Variants in CRADD observed in about 807,000 individuals in gnomAD.
CRADD encodes death domain-containing protein CRADD.
CRADD carries 9 observed loss-of-function variants against 15.5 expected under a neutral mutation model. The observed-to-expected ratio is 0.58, with a 90% confidence interval of 0.35 to 1.01. The LOEUF (loss-of-function observed/expected upper bound fraction) is 1.01. Ranked by LOEUF, CRADD falls within the 50% of genes least tolerant of loss-of-function variation. CRADD has a pLI of 0.02. For synonymous variants in CRADD, 118 were observed against 107.6 expected (o/e 1.10, Z -0.60); for missense variants, 227 against 250.3 (o/e 0.91, Z 0.63).
At chr12:93,757,682 G>A (rs1956906685) in intron 2 of CRADD, among the ~76,000 whole-genome samples, 1 of 152,266 alleles carries the variant, frequency 6.6e-6, no homozygotes, top group South Asian at 2.1e-4. Flanking sequence ...GTTCTCATTA[G>A]AGCTTAAGAA....
chr12:93,857,061 T>C (rs1958280617), intron 2 of CRADD, among the ~76,000 whole-genome samples: 1 of 151,960 alleles, frequency 6.6e-6, no homozygotes, highest in South Asian at 2.1e-4. Flanking sequence ...TTATGCAAAA[T>C]ATATGGCAAT....
Position 93,837,301 on chromosome 12 carries a change from G to A in CRADD, c.299-12669G>A, listed in dbSNP as rs144533951. ...TGTTTTTTTTTTTAGAGGGAGTCTC[G>A]CTGTGTCGCGCAGACTGGAGTGCAG... is the stretch of plus-strand genomic sequence containing the variant. On this transcript the variant is annotated intron_variant, in intron 2 of 2. Coordinates refer to ENST00000332896, the MANE Select transcript of CRADD (RefSeq NM_003805.5). 73 of 152,048 alleles carry A rather than the reference G, an allele frequency of 4.8e-4. No individual in the cohort carries two copies. In the East Asian group the frequency reaches 0.011, roughly 23 times the overall value. The allele number at this position is 152,048 out of a possible 1,614,324, so 9.4% of individuals were successfully genotyped here. A position where few individuals can be genotyped will look rare whatever the true frequency, so the allele number is the denominator to read the frequency against.
chr12:93,780,741 C>CT (rs1344435534), intron 2 of CRADD, among the ~76,000 whole-genome samples: 5,597 of 143,412 alleles, frequency 0.039, 151 homozygotes, highest in South Asian at 0.065. Context: ...TCTTGATTAC[C>CT]TTTTTTTTTT....
At chr12:93,854,259 C>T (rs1958252856), downstream of CRADD, among the ~76,000 whole-genome samples, 1 of 152,130 alleles carries the variant, frequency 6.6e-6, no homozygotes, top group Admixed American at 6.5e-5. Context: ...CTAGGGCGGC[C>T]TCACTCATGT....
chr12:93,839,881 A>T (rs1343440255), intron 2 of CRADD, among the ~76,000 whole-genome samples: 1 of 152,194 alleles, frequency 6.6e-6, no homozygotes, highest in African/African-American at 2.4e-5. Flanking sequence ...CGTCTCCTTC[A>T]TTGAGCAGAA....
chr12:93,677,554 C>T (rs1228688831), intron 1 of CRADD, 82 bp downstream of exon 1: 1 of 152,298 alleles, frequency 6.6e-6, no homozygotes, highest in African/African-American at 2.4e-5. Context: ...CTTCCCCGCC[C>T]CGCTAACTTG....
At chr12:93,849,752 A>AC (rs1958186629) in intron 2 of CRADD, among the ~76,000 whole-genome samples, 1 of 151,982 alleles carries the variant, frequency 6.6e-6, no homozygotes, top group African/African-American at 2.4e-5. Context: ...AAAAAAAAAA[A>AC]AAAAAAAGTT....
At position 93,751,099 on chromosome 12, in the gene CRADD, A is replaced by C. The variant is rs182255835; in HGVS notation, c.298+72027A>C. ...CTGTAAACTTGAGAGACATTCCACAAATACAAATCTTGCTTCTTTTGCTTA... is the reference window on the plus strand; with the variant it reads ...CTGTAAACTTGAGAGACATTCCACACATACAAATCTTGCTTCTTTTGCTTA... On this transcript the variant is annotated intron_variant, in intron 2 of 2. Transcript: ENST00000332896. Among the ~76,000 whole-genome samples, 47 of 152,364 alleles carry C rather than the reference A, an allele frequency of 3.1e-4. 1 individual carries two copies. The East Asian group carries it at 8.3e-3, about 27-fold the overall frequency.
At chr12:93,832,592 A>G (rs1462041765) in intron 2 of CRADD, among the ~76,000 whole-genome samples, 1 of 152,216 alleles carries the variant, frequency 6.6e-6, no homozygotes, top group African/African-American at 2.4e-5. Context: ...AATATCAAGG[A>G]ACCATAGGCC....
chr12:93,770,340 G>A (rs545983520), intron 2 of CRADD, among the ~76,000 whole-genome samples: 2 of 151,866 alleles, frequency 1.3e-5, no homozygotes, highest in South Asian at 2.1e-4. Flanking sequence ...CTCGTGATCC[G>A]CCCGCCTCGG....
At chr12:93,786,971 G>A (rs1370311999) in intron 2 of CRADD, among the ~76,000 whole-genome samples, 1 of 152,022 alleles carries the variant, frequency 6.6e-6, no homozygotes, top group Non-Finnish European at 1.5e-5. Context: ...AGTATGTTTC[G>A]GCTATTTAAG....
At chr12:93,766,704 C>T (rs1957030167) in intron 2 of CRADD, among the ~76,000 whole-genome samples, 1 of 152,216 alleles carries the variant, frequency 6.6e-6, no homozygotes. Context: ...TTGAGCACTG[C>T]ACCCATTTCA....
At chr12:93,853,448 A>G (rs1271626065), downstream of CRADD, among the ~76,000 whole-genome samples, 1 of 152,166 alleles carries the variant, frequency 6.6e-6, no homozygotes, top group Non-Finnish European at 1.5e-5. Flanking sequence ...TTTTTGTGGC[A>G]TGTTTGAAGA....
At chr12:93,834,160 G>A (rs1957947985) in intron 2 of CRADD, among the ~76,000 whole-genome samples, 1 of 152,216 alleles carries the variant, frequency 6.6e-6, no homozygotes, top group Admixed American at 6.5e-5. Context: ...CAGGGAGTAT[G>A]AGCATGAAAT....
intron 2 of CRADD, chr12:93,708,832 C>T (rs1469163934): frequency 2.0e-5 from 3 of 152,244 alleles, no homozygotes; most frequent in African/African-American, 7.2e-5. Flanking sequence ...AACTGGGTAG[C>T]TTATAAACAA....
At chr12:93,759,242 C>T (rs919375003) in intron 2 of CRADD, among the ~76,000 whole-genome samples, 2 of 151,648 alleles carry the variant, frequency 1.3e-5, no homozygotes, top group Non-Finnish European at 2.9e-5. Context: ...TTGGAGGTAG[C>T]GATGGGTGGG....
chr12:93,829,368 A>G (rs763874516), intron 2 of CRADD, among the ~76,000 whole-genome samples: 1 of 152,122 alleles, frequency 6.6e-6, no homozygotes, highest in African/African-American at 2.4e-5. Context: ...TCAAACCCCT[A>G]TAAGGCTTGC....
At chr12:93,826,613 G>A (rs1025235947) in intron 2 of CRADD, 1 of 152,216 alleles carries the variant, frequency 6.6e-6, no homozygotes, top group Non-Finnish European at 1.5e-5. Context: ...CAAAAAGGAG[G>A]TCTTACAGTA....
chr12:93,828,607 A>G (rs1463402175), intron 2 of CRADD, among the ~76,000 whole-genome samples: 1 of 152,244 alleles, frequency 6.6e-6, no homozygotes, highest in Admixed American at 6.5e-5. Context: ...TCCTTTCTCC[A>G]TTGAACTGCC....
Sources: allele counts gnomAD v4.1 joint callset (sites outside exome capture counted in the v4.1 genomes callset), GRCh38; gene constraint gnomAD v4.1.1; transcripts MANE v1.5; gene names NCBI Gene and HGNC (gene_info 2026-07-23, HGNC 2026-07-21).